Variants in PBRM1 observed in about 807,000 individuals in gnomAD.
PBRM1 encodes the protein polybromo 1.
In PBRM1, 27 loss-of-function variants were observed where a neutral mutation model predicts 194.5. That is an observed-to-expected ratio of 0.14 (90% CI 0.10 to 0.19). PBRM1 has a LOEUF of 0.19. Ranked by LOEUF, PBRM1 falls within the 10% of genes least tolerant of loss-of-function variation. The pLI is 1.00. For synonymous variants in PBRM1, 655 were observed against 693.2 expected, an observed-to-expected ratio of 0.94 and a Z score of 0.87; for missense variants, 1,466 against 2,077.2, an observed-to-expected ratio of 0.71 and a Z score of 5.72.
At chr3:52,608,495 C>T (rs1193464620) in intron 16 of PBRM1, among the ~76,000 whole-genome samples, 1 of 152,146 alleles carries the variant, frequency 6.6e-6, no homozygotes, top group African/African-American at 2.4e-5. Context: ...ACACTGAAAG[C>T]AAACATTACT....
At position 52,678,604 on chromosome 3, in the gene PBRM1, A is replaced by G; in HGVS notation, c.139-7T>C. 1 of 1,573,402 alleles carries G rather than the reference A, an allele frequency of 6.4e-7. No individual in the cohort carries two copies. Among genetic ancestry groups the G allele is most frequent in the Non-Finnish European group, 8.7e-7 (1 of 1,143,786 alleles). On this transcript the variant is annotated splice_polypyrimidine_tract_variant and splice_region_variant and intron_variant, in intron 1 of 29. Coordinates refer to ENST00000296302, the Ensembl canonical transcript of PBRM1. The stretch of plus-strand genomic sequence containing the variant: ...GTTCATGGCACACGGCAATCTACAC[A>G]TTAGCAAAGGAGAAAAAAATCACTA...
chr3:52,668,134 A>C (rs2096876288), intron 3 of PBRM1, among the ~76,000 whole-genome samples: 1 of 152,072 alleles, frequency 6.6e-6, no homozygotes, highest in Non-Finnish European at 1.5e-5. Flanking sequence ...TGGTCTCTAC[A>C]AAACATGCAA....
chr3:52,552,676 CACCA>C (rs2081263759), intron 27 of PBRM1, among the ~76,000 whole-genome samples: 1 of 152,146 alleles, frequency 6.6e-6, no homozygotes, highest in Non-Finnish European at 1.5e-5. Flanking sequence ...TCCCAACACC[CACCA>C]AAAGACATCT....
In PBRM1 at chr3:52,662,207, C is replaced by T. The variant is rs759080524; in HGVS notation, c.454G>A (p.Val152Ile). 5.6e-6 allele frequency: 9 copies of T among 1,613,858 alleles called. No individual in the cohort carries two copies. The South Asian group carries it at 9.9e-5, about 18-fold the overall frequency. The change falls in exon 4 of 30, where the codon GTT (valine) becomes ATT (isoleucine). Residue 152 changes from valine (V) to isoleucine (I), a missense_variant. Val to Ile is a conservative substitution (Grantham distance 29, BLOSUM62 3). Coordinates refer to ENST00000296302, the Ensembl canonical transcript of PBRM1. ...TCGTCATCTGCTTCTCCTTTCTGAA[C>T]AAACTCATTTCTTGTTCGAAGGTAC...
At chr3:52,580,644 G>C (rs2090929032) in intron 20 of PBRM1, among the ~76,000 whole-genome samples, 1 of 152,324 alleles carries the variant, frequency 6.6e-6, no homozygotes, top group East Asian at 1.9e-4. Flanking sequence ...TTACAGGCGT[G>C]AGCCACTGCG....
At chr3:52,655,059 TA>T (rs2096583456) in intron 5 of PBRM1, among the ~76,000 whole-genome samples, 1 of 152,156 alleles carries the variant, frequency 6.6e-6, no homozygotes, top group South Asian at 2.1e-4. Context: ...ACTTCTTTTA[TA>T]ATTTTTTTTA....
chr3:52,609,223 G>A lies in PBRM1; in HGVS notation c.2567+90C>T. 1.0e-6 allele frequency: 1 copy of A among 1,004,244 alleles called. No individual in the cohort carries two copies. Among genetic ancestry groups the A allele is most frequent in the Non-Finnish European group, 1.5e-6 (1 of 671,494 alleles). 62.2% of individuals were successfully genotyped at this position (1,004,244 alleles called of 1,614,324 possible). A position where few individuals can be genotyped will look rare whatever the true frequency, so the allele number is the denominator to read the frequency against. ...TACCAACTACAAATCATGTATGTAA[G>A]TGGAAATAGTACATCAAAGCAATAT... On this transcript the variant is annotated intron_variant, in intron 16 of 29. Coordinates refer to ENST00000296302, the Ensembl canonical transcript of PBRM1. The surrounding 1 kb of genome is among the most constrained non-coding windows in gnomAD (Gnocchi z 4.1).
chr3:52,685,816 A>C, exon 1 of PBRM1: 2 of 346,262 alleles, frequency 5.8e-6, no homozygotes, highest in East Asian at 5.6e-5. Context: ...CGTGGCCGCC[A>C]CGGCTGCTGC....
At chr3:52,614,249 T>C (rs9879090) in intron 15 of PBRM1, among the ~76,000 whole-genome samples, 91,841 of 151,336 alleles carry the variant, frequency 0.61, 28,795 homozygotes, top group African/African-American at 0.75. Context: ...GTGGCGTACA[T>C]CTGTAGTCCC....
In PBRM1 at chr3:52,582,174, G is replaced by A. The variant is rs991559223; in HGVS notation, c.3388-2975C>T. 2.1e-4 allele frequency among the ~76,000 whole-genome samples: 32 copies of A among 150,230 alleles called. 1 individual carries two copies. The highest frequency in any genetic ancestry group is 1.5e-4 in the Non-Finnish European group (10 of 67,676). On this transcript the variant is annotated intron_variant, in intron 20 of 29. Coordinates refer to ENST00000296302, the Ensembl canonical transcript of PBRM1. ...GGAGAATCACTTGAACCTGGGAAGT[G>A]GAGGCTGCAGTGAGCTGAGATTGCG... is the stretch of plus-strand genomic sequence containing the variant.
rs1407971714 is a variant in PBRM1 at position 52,570,962 on chromosome 3, A to G, written c.3691+5579T>C. Among the ~76,000 whole-genome samples the G allele has an allele frequency of 3.4e-5, 5 of 146,792 alleles. No individual in the cohort carries two copies. The East Asian group carries it at 1.0e-3, about 29-fold the overall frequency. ...GGTCTTGAACTCCTGGTGTCAAGCG[A>G]CTCTCCCATCTTGGCCTCTCAAAGT... On this transcript the variant is annotated intron_variant, in intron 22 of 29. Coordinates refer to ENST00000296302, the Ensembl canonical transcript of PBRM1.
At chr3:52,666,867 G>A (rs1200699322) in intron 3 of PBRM1, among the ~76,000 whole-genome samples, 7 of 148,636 alleles carry the variant, frequency 4.7e-5, no homozygotes. Flanking sequence ...ACTCCAGCCT[G>A]GGCAACAAAG....
chr3:52,549,111 C>T (rs1447851040), intron 29 of PBRM1, among the ~76,000 whole-genome samples: 1 of 151,868 alleles, frequency 6.6e-6, no homozygotes, highest in African/African-American at 2.4e-5. Context: ...ACCTCCACCT[C>T]CGGGTTCAAA....
intron 22 of PBRM1, among the ~76,000 whole-genome samples, chr3:52,575,014 A>T (rs901182192): frequency 2.0e-5 from 3 of 151,868 alleles, no homozygotes; most frequent in African/African-American, 7.3e-5. Flanking sequence ...TGATCCTACC[A>T]CCTCAGCCTC....
intron 13 of PBRM1, among the ~76,000 whole-genome samples, chr3:52,622,860 T>C (rs996174263): frequency 3.9e-5 from 6 of 152,238 alleles, no homozygotes; most frequent in African/African-American, 9.6e-5. Context: ...TTTTTATATA[T>C]ACTAATATTT....
chr3:52,582,478 C>T (rs1248653264), intron 20 of PBRM1, among the ~76,000 whole-genome samples: 2 of 143,358 alleles, frequency 1.4e-5, no homozygotes, highest in Admixed American at 7.2e-5. Context: ...GGCGTGATCT[C>T]AGCTCACTGC....
chr3:52,684,350 A>C (rs1327537034), upstream of PBRM1, among the ~76,000 whole-genome samples: 2 of 152,158 alleles, frequency 1.3e-5, no homozygotes, highest in Non-Finnish European at 2.9e-5. Context: ...AGAATACTTA[A>C]TAATGTGCAA....
At chr3:52,588,022 G>T (rs2092624034) in intron 18 of PBRM1, among the ~76,000 whole-genome samples, 1 of 151,974 alleles carries the variant, frequency 6.6e-6, no homozygotes, top group Non-Finnish European at 1.5e-5. Context: ...TAGAGAAGGG[G>T]TCTTGCCATG....
intron 7 of PBRM1, among the ~76,000 whole-genome samples, chr3:52,645,204 C>T (rs1271378250): frequency 6.6e-6 from 1 of 152,206 alleles, no homozygotes; most frequent in East Asian, 1.9e-4. Flanking sequence ...ATTAATGAAG[C>T]ACTTTTCATG....
Sources: allele counts gnomAD v4.1 joint callset (sites outside exome capture counted in the v4.1 genomes callset), GRCh38; gene constraint gnomAD v4.1.1; non-coding constraint Gnocchi (gnomAD v3.1); transcripts MANE v1.5; gene names NCBI Gene and HGNC (gene_info 2026-07-23, HGNC 2026-07-21).